Variants in ALMS1 observed in about 807,000 individuals in gnomAD.
ALMS1 encodes centrosome-associated protein ALMS1.
In ALMS1, 271 loss-of-function variants were observed where a neutral mutation model predicts 352.2. The ratio of observed to expected loss-of-function variants is 0.77; its 90% CI spans 0.70 to 0.85. The LOEUF is 0.85. ALMS1 is among the 40% of genes least tolerant of loss of function. The pLI, the probability that ALMS1 is intolerant of heterozygous loss-of-function variation, is 0.00. For missense variants in ALMS1, 5,445 were observed against 4,870.7 expected (o/e 1.12, Z -3.51); for synonymous variants, 1,865 against 1,761.2 (o/e 1.06, Z -1.48).
Position 73,543,152 on chromosome 2 carries a change from TG to T in ALMS1, c.9908-7113del, listed in dbSNP as rs1011251422. On this transcript the variant is annotated intron_variant, in intron 12 of 22. Coordinates refer to ENST00000613296, the MANE Select transcript of ALMS1 (RefSeq NM_001378454.1). ...TACAGTAACCAAAACAGCATGGTAC[TG>T]GTACCAAAACAGAGATATAGACCAA... 1.4e-4 allele frequency among the ~76,000 whole-genome samples: 22 copies of T among 152,192 alleles called. 1 individual carries two copies. Among genetic ancestry groups the T allele is most frequent in the Admixed American group, 1.2e-3 (18 of 15,282 alleles).
chr2:73,597,808 G>T (rs1371311327), intron 16 of ALMS1, among the ~76,000 whole-genome samples: 3 of 149,494 alleles, frequency 2.0e-5, no homozygotes, highest in Non-Finnish European at 4.4e-5. Context: ...CTGCATCAAA[G>T]TTGCTGCCAT....
At chr2:73,493,732 T>G (rs1673040648) in intron 10 of ALMS1, among the ~76,000 whole-genome samples, 1 of 152,070 alleles carries the variant, frequency 6.6e-6, no homozygotes, top group South Asian at 2.1e-4. Flanking sequence ...AAAAAAAAAT[T>G]TATAAAGTAT....
chr2:73,462,529 C>T lies in ALMS1; in HGVS notation c.7674+7234C>T, dbSNP rs950114023. Among the ~76,000 whole-genome samples the T allele has an allele frequency of 1.6e-4, 24 of 152,198 alleles. No individual in the cohort carries two copies. In the East Asian group the frequency reaches 3.3e-3, roughly 21 times the overall value. The stretch of plus-strand genomic sequence containing the variant: ...GCCAAAATGTAAAGACTGTCAAGGC[C>T]AGGAAGAAACTGCATCAACTAATGA... On this transcript the variant is annotated intron_variant, in intron 9 of 22. Transcript: ENST00000613296.
At position 73,446,246 on chromosome 2, in the gene ALMS1, ACT is replaced by A. The variant is rs566122226; in HGVS notation, c.1433-1712_1433-1711del. On this transcript the variant is annotated intron_variant, in intron 7 of 22. Transcript: ENST00000613296. The stretch of plus-strand genomic sequence containing the variant: ...TCAAGGACCTGGGCTGTACATCTTA[ACT>A]CCTTAGCTATTTATCTCATTTGTCC... Among the ~76,000 whole-genome samples the A allele has an allele frequency of 5.0e-3, 757 of 152,134 alleles. 7 individuals are homozygous for A. The highest frequency in any genetic ancestry group is 0.017 in the African/African-American group (690 of 41,486).
At chr2:73,558,020 C>G (rs1251199819) in intron 14 of ALMS1, among the ~76,000 whole-genome samples, 1 of 152,104 alleles carries the variant, frequency 6.6e-6, no homozygotes, top group Non-Finnish European at 1.5e-5. Flanking sequence ...CATATTGCAA[C>G]CAGCAGGAAG....
At chr2:73,392,527 C>T (rs1381001407) in intron 1 of ALMS1, among the ~76,000 whole-genome samples, 1 of 152,104 alleles carries the variant, frequency 6.6e-6, no homozygotes, top group Non-Finnish European at 1.5e-5. Context: ...CTTCCATTCC[C>T]CATATGCAAC....
intron 13 of ALMS1, among the ~76,000 whole-genome samples, chr2:73,552,769 T>C (rs1674465406): frequency 6.6e-6 from 1 of 152,136 alleles, no homozygotes; most frequent in South Asian, 2.1e-4. Flanking sequence ...AATGCCTGCC[T>C]GGGAAACTGA....
intron 16 of ALMS1, among the ~76,000 whole-genome samples, chr2:73,594,225 T>A (rs996712342): frequency 6.8e-6 from 1 of 147,532 alleles, no homozygotes; most frequent in Admixed American, 6.7e-5. Flanking sequence ...CACATCCTAG[T>A]GAACAGTTGT....
At position 73,594,951 on chromosome 2, in the gene ALMS1, G is replaced by A. The variant is rs532849135; in HGVS notation, c.11548-4450G>A. Reference sequence around the variant, plus strand: ...TTGTTGTGCTTCAGGTAGTGAGAGCGTATTGACCAACACAACTTACCACCT... The same window carrying A: ...TTGTTGTGCTTCAGGTAGTGAGAGCATATTGACCAACACAACTTACCACCT... On this transcript the variant is annotated intron_variant, in intron 16 of 22. Transcript: ENST00000613296. Among the ~76,000 whole-genome samples the A allele has an allele frequency of 2.4e-4, 37 of 152,294 alleles. 1 individual carries two copies. Among genetic ancestry groups the A allele is most frequent in the African/African-American group, 4.8e-4 (20 of 41,570 alleles).
chr2:73,457,303 C>CAG (rs2103802576), intron 9 of ALMS1: 1 of 152,300 alleles, frequency 6.6e-6, no homozygotes, highest in Non-Finnish European at 1.5e-5. Flanking sequence ...ATGATCTTGG[C>CAG]TCACTGCAAC....
chr2:73,488,509 G>A (rs533720501), intron 9 of ALMS1, among the ~76,000 whole-genome samples: 3 of 152,224 alleles, frequency 2.0e-5, no homozygotes, highest in South Asian at 4.1e-4. Flanking sequence ...AGCTGTGACT[G>A]GGCAGCTGCA....
Position 73,449,270 on chromosome 2 carries a change from A to G in ALMS1, c.2743A>G (p.Ile915Val), listed in dbSNP as rs200704524. ...SSFYSHREKP[I>V]IFSQQTLPDF... Reference sequence around the variant, plus strand: ...TTTCTACTCACACAGAGAGAAGCCCATTATTTTTTCCCAGCAGACCCTGCC... The same window carrying G: ...TTTCTACTCACACAGAGAGAAGCCCGTTATTTTTTCCCAGCAGACCCTGCC... Residue 915 changes from isoleucine to valine, a missense_variant, in exon 8 of 23, where the codon ATT becomes GTT. Transcript: ENST00000613296. 3 of 1,613,926 alleles carry G rather than the reference A, an allele frequency of 1.9e-6. No homozygotes were observed. The South Asian group carries it at 3.3e-5, about 18-fold the overall frequency.
intron 11 of ALMS1, among the ~76,000 whole-genome samples, chr2:73,530,826 G>A (rs752404125): frequency 2.0e-5 from 3 of 152,242 alleles, no homozygotes; most frequent in East Asian, 1.9e-4. Context: ...CCAACACCAC[G>A]TGAAACTGTC....
At chr2:73,473,392 A>G (rs1672507661) in intron 9 of ALMS1, among the ~76,000 whole-genome samples, 1 of 152,116 alleles carries the variant, frequency 6.6e-6, no homozygotes, top group South Asian at 2.1e-4. Context: ...GCTTTATGAA[A>G]TAGTCACTAA....
chr2:73,480,508 C>A (rs1448396451), intron 9 of ALMS1, among the ~76,000 whole-genome samples: 3 of 152,106 alleles, frequency 2.0e-5, no homozygotes, highest in Admixed American at 6.5e-5. Flanking sequence ...CAAGTCTTTG[C>A]TATTGTGAAT....
intron 12 of ALMS1, among the ~76,000 whole-genome samples, chr2:73,543,897 A>G (rs1470063883): frequency 6.6e-6 from 1 of 152,186 alleles, no homozygotes; most frequent in East Asian, 1.9e-4. Context: ...AGAAATAAGA[A>G]CACTTTTACA....
intron 16 of ALMS1, among the ~76,000 whole-genome samples, chr2:73,575,051 T>A (rs532187300): frequency 5.3e-5 from 8 of 152,344 alleles, no homozygotes; most frequent in Admixed American, 1.3e-4. Context: ...CTTCTCTCTC[T>A]TAGACACAGT....
intron 9 of ALMS1, among the ~76,000 whole-genome samples, chr2:73,466,117 A>T (rs1672337150): frequency 6.6e-6 from 1 of 152,198 alleles, no homozygotes; most frequent in African/African-American, 2.4e-5. Flanking sequence ...CATTTGACCC[A>T]GCCATCCCAT....
chr2:73,508,419 A>G (rs1673381948), intron 10 of ALMS1, among the ~76,000 whole-genome samples: 1 of 151,588 alleles, frequency 6.6e-6, no homozygotes, highest in South Asian at 2.1e-4. Flanking sequence ...GTTAGTCAGG[A>G]TGGTCTCGAT....
Sources: gnomAD v4.1 joint callset for allele counts (sites outside exome capture counted in the v4.1 genomes callset) on GRCh38, gnomAD v4.1.1 for gene constraint, MANE v1.5 for transcripts, NCBI Gene and HGNC (gene_info 2026-07-23, HGNC 2026-07-21) for gene names.